Variants in TMEM255B observed in about 807,000 individuals in gnomAD.
TMEM255B encodes the protein family with sequence similarity 70, member B.
TMEM255B carries 35 observed loss-of-function variants against 34.5 expected under a neutral mutation model. The observed-to-expected ratio is 1.01, with a 90% confidence interval of 0.77 to 1.34. TMEM255B has a LOEUF of 1.34. Ranked by LOEUF, TMEM255B falls within the 40% of genes most tolerant of loss-of-function variation. The probability of loss-of-function intolerance (pLI) is 0.00; values close to 1 mark genes in which losing one functional copy is unlikely to be tolerated. For synonymous variants in TMEM255B, 206 were observed against 201.2 expected (o/e 1.02, Z -0.20); for missense variants, 432 against 433.2 (o/e 1.00, Z 0.02).
Position 113,803,139 on chromosome 13 carries a change from G to T in TMEM255B, c.669+1327G>T, listed in dbSNP as rs1338106718. ...GGCCCGGGGTGTCCAGGGTTTTCCG[G>T]AAGGGGCTCGTGTGTTCATTAAAGC... On this transcript the variant is annotated intron_variant, in intron 7 of 8. Coordinates refer to ENST00000375353, the MANE Select transcript of TMEM255B (RefSeq NM_182614.4). 4.1e-5 allele frequency: 6 copies of T among 147,800 alleles called. 1 individual carries two copies. Among genetic ancestry groups the T allele is most frequent in the Non-Finnish European group, 7.6e-5 (5 of 66,046 alleles). 9.2% of individuals were successfully genotyped at this position (147,800 alleles called of 1,614,324 possible).
intron 3 of TMEM255B, among the ~76,000 whole-genome samples, chr13:113,793,584 G>A (rs536654101): frequency 2.6e-5 from 4 of 152,144 alleles, no homozygotes; most frequent in South Asian, 2.1e-4. Context: ...CTCGCTCTCC[G>A]GCCCGCTGCC....
intron 3 of TMEM255B, among the ~76,000 whole-genome samples, chr13:113,774,682 ACC>A: frequency 7.1e-6 from 1 of 140,318 alleles, no homozygotes; most frequent in Non-Finnish European, 1.5e-5. Flanking sequence ...TGACACACAC[ACC>A]ACACATGACA....
In TMEM255B at chr13:113,813,451, C is replaced by T. The variant is rs2051366604; in HGVS notation, c.*1548C>T. 1 of 152,322 alleles carries T rather than the reference C, an allele frequency of 6.6e-6. No individual in the cohort carries two copies. The highest frequency in any genetic ancestry group is 2.1e-4 in the South Asian group (1 of 4,842). 9.4% of individuals were successfully genotyped at this position (152,322 alleles called of 1,614,324 possible). A position where few individuals can be genotyped will look rare whatever the true frequency, so the allele number is the denominator to read the frequency against. On this transcript the variant is annotated 3_prime_UTR_variant, in exon 9 of 9. Coordinates refer to ENST00000375353, the MANE Select transcript of TMEM255B (RefSeq NM_182614.4). ...GGAGGTGGAGCGGGGACTTTCTCCCCTGCCCAGTCCTGGATCTGGGAGAAA... is the reference window on the plus strand; with the variant it reads ...GGAGGTGGAGCGGGGACTTTCTCCCTTGCCCAGTCCTGGATCTGGGAGAAA...
intron 8 of TMEM255B, among the ~76,000 whole-genome samples, chr13:113,811,042 C>T (rs2051287224): frequency 6.6e-6 from 1 of 152,092 alleles, no homozygotes; most frequent in Non-Finnish European, 1.5e-5. Flanking sequence ...CACCCCCTGC[C>T]CCATGCAGCT....
chr13:113,801,601 G>C (rs2138575168), intron 6 of TMEM255B, 52 bp from the exon 7 acceptor site: 1 of 1,534,822 alleles, frequency 6.5e-7, no homozygotes, highest in East Asian at 2.3e-5. Flanking sequence ...AGTTTAACTT[G>C]CGGGTGGTCA....
At chr13:113,765,998 G>A in intron 1 of TMEM255B, 117 bp from the exon 2 acceptor site, 7 of 1,383,314 alleles carry the variant, frequency 5.1e-6, no homozygotes. Flanking sequence ...CCTGGAGGCA[G>A]GCGGGGATAG....
At chr13:113,800,042 C>A in intron 5 of TMEM255B, 1 of 1,209,876 alleles carries the variant, frequency 8.3e-7, no homozygotes, top group South Asian at 1.5e-5. Flanking sequence ...CTGGGACTCT[C>A]CAGCAGCTGC....
chr13:113,762,692 C>T (rs1429244787), intron 1 of TMEM255B, among the ~76,000 whole-genome samples: 1 of 152,316 alleles, frequency 6.6e-6, no homozygotes, highest in South Asian at 2.1e-4. Context: ...TGGGCCCCCA[C>T]TCTTCATGCC....
intron 1 of TMEM255B, among the ~76,000 whole-genome samples, chr13:113,763,691 C>T (rs1011700675): frequency 6.6e-6 from 1 of 152,178 alleles, no homozygotes; most frequent in African/African-American, 2.4e-5. Flanking sequence ...TTGCATTTTT[C>T]AGTACTTTAT....
chr13:113,767,958 C>G (rs1319538904), intron 2 of TMEM255B, among the ~76,000 whole-genome samples: 2 of 152,222 alleles, frequency 1.3e-5, no homozygotes, highest in East Asian at 3.8e-4. Context: ...AAGAAATATT[C>G]CTGTTATCCC....
At chr13:113,773,322 T>C (rs1428509866) in intron 3 of TMEM255B, among the ~76,000 whole-genome samples, 1 of 152,270 alleles carries the variant, frequency 6.6e-6, no homozygotes, top group African/African-American at 2.4e-5. Flanking sequence ...TTTGTTCTAG[T>C]AGTTCTTTAA....
intron 7 of TMEM255B, among the ~76,000 whole-genome samples, chr13:113,804,241 C>G (rs1042518806): frequency 6.6e-6 from 1 of 152,190 alleles, no homozygotes; most frequent in Non-Finnish European, 1.5e-5. Context: ...TTTTAACTGC[C>G]TGAGTGAGTC....
At position 113,806,491 on chromosome 13, in the gene TMEM255B, GC is replaced by G. The variant is rs2051174658; in HGVS notation, c.813+1466del. On this transcript the variant is annotated intron_variant, in intron 8 of 8. Coordinates refer to ENST00000375353, the MANE Select transcript of TMEM255B (RefSeq NM_182614.4). The surrounding 1 kb of genome is among the most constrained non-coding windows in gnomAD (Gnocchi z 4.2). ...CTCTCACTTCGAATATAAAGCTGGG[GC>G]CCTGCTCCCTGGGAACACAAGGCCC... Among the ~76,000 whole-genome samples the G allele has an allele frequency of 6.6e-6, 1 of 152,170 alleles. No homozygotes were observed.
At chr13:113,810,399 G>T (rs2051276174) in intron 8 of TMEM255B, among the ~76,000 whole-genome samples, 1 of 152,224 alleles carries the variant, frequency 6.6e-6, no homozygotes, top group Non-Finnish European at 1.5e-5. Context: ...AAACTAGAAT[G>T]TATCAATTTA....
intron 5 of TMEM255B, among the ~76,000 whole-genome samples, chr13:113,800,426 C>G (rs1247648480): frequency 6.6e-6 from 1 of 151,838 alleles, no homozygotes; most frequent in Non-Finnish European, 1.5e-5. Flanking sequence ...GTGCTCAAGC[C>G]TGGGGGGAGA....
intron 3 of TMEM255B, among the ~76,000 whole-genome samples, chr13:113,783,866 G>A (rs1452065044): frequency 2.0e-5 from 3 of 152,124 alleles, no homozygotes; most frequent in Non-Finnish European, 2.9e-5. Context: ...AAGGGATTTC[G>A]GAGGAAGGGA....
chr13:113,785,342 T>C (rs2050724746), intron 3 of TMEM255B, among the ~76,000 whole-genome samples: 2 of 151,414 alleles, frequency 1.3e-5, no homozygotes, highest in Non-Finnish European at 2.9e-5. Flanking sequence ...CCTGCACTTC[T>C]AATACCATGA....
At chr13:113,761,223 T>C in intron 1 of TMEM255B, 1 of 985,366 alleles carries the variant, frequency 1.0e-6, no homozygotes, top group Non-Finnish European at 1.2e-6. Context: ...GGCCGGATCT[T>C]AGAACCCTTC....
At chr13:113,766,564 G>C (rs541906965) in intron 2 of TMEM255B, 1 of 438,766 alleles carries the variant, frequency 2.3e-6, no homozygotes, top group Non-Finnish European at 4.2e-6. Context: ...AGGGCAGGAG[G>C]GGGGCCAGAG....
Sources: allele counts gnomAD v4.1 joint callset (sites outside exome capture counted in the v4.1 genomes callset), GRCh38; gene constraint gnomAD v4.1.1; non-coding constraint Gnocchi (gnomAD v3.1); transcripts MANE v1.5; gene names NCBI Gene and HGNC (gene_info 2026-07-23, HGNC 2026-07-21).